SRRM3: variants seen among roughly 807,000 people sequenced by gnomAD.
SRRM3 encodes the protein serine/arginine repetitive matrix protein 3.
SRRM3 carries 27 observed loss-of-function variants against 66.2 expected under a neutral mutation model. That is an observed-to-expected ratio of 0.41 (90% CI 0.30 to 0.56). The LOEUF (loss-of-function observed/expected upper bound fraction) is 0.56. Among genes scored for constraint, SRRM3 ranks in the 20% least tolerant of loss-of-function variants. SRRM3 has a pLI of 0.32. For synonymous variants in SRRM3, 391 were observed against 414.9 expected (o/e 0.94, Z 0.70); for missense variants, 918 against 991.9 (o/e 0.93, Z 1.00).
rs545786463 is a variant in SRRM3 at position 76,221,646 on chromosome 7, G to A, written c.-39-13382G>A. Among the ~76,000 whole-genome samples the A allele has an allele frequency of 2.6e-5, 4 of 152,302 alleles. No individual in the cohort carries two copies. The East Asian group carries it at 7.7e-4, about 29-fold the overall frequency. On this transcript the variant is annotated intron_variant, in intron 1 of 14. Transcript: ENST00000611745. ...CAAAGTGCTGGGATTACAGGCGTGAGCCACCGCGCCCCGCACCTGCCCTCT... is the reference window on the plus strand; with the variant it reads ...CAAAGTGCTGGGATTACAGGCGTGAACCACCGCGCCCCGCACCTGCCCTCT...
intron 10 of SRRM3, among the ~76,000 whole-genome samples, chr7:76,266,298 A>AT (rs1554609635): frequency 9.1e-6 from 1 of 109,588 alleles, no homozygotes; most frequent in African/African-American, 3.7e-5. Context: ...TATATATTTA[A>AT]TATAAATATT....
chr7:76,232,902 G>A (rs1197835000), intron 1 of SRRM3, among the ~76,000 whole-genome samples: 1 of 152,076 alleles, frequency 6.6e-6, no homozygotes, highest in African/African-American at 2.4e-5. Context: ...TGGGAGCAGG[G>A]AGGCCAGGCA....
At chr7:76,231,091 G>C (rs1208167924) in intron 1 of SRRM3, among the ~76,000 whole-genome samples, 1 of 152,120 alleles carries the variant, frequency 6.6e-6, no homozygotes, top group Non-Finnish European at 1.5e-5. Context: ...ATGGCTCACA[G>C]AGGGACCCTG....
chr7:76,215,420 T>A lies in SRRM3; in HGVS notation c.-40+13353T>A, dbSNP rs973446019. Among the ~76,000 whole-genome samples, 456 of 147,532 alleles carry A rather than the reference T, an allele frequency of 3.1e-3. 2 individuals carry two copies. Among genetic ancestry groups the A allele is most frequent in the Non-Finnish European group, 4.8e-3 (318 of 66,932 alleles). On this transcript the variant is annotated intron_variant, in intron 1 of 14. Coordinates refer to ENST00000611745, the MANE Select transcript of SRRM3 (RefSeq NM_001110199.3). ...TTTTTTTTTTTTTTTTTTTTTTTTTTAGACAGGGTCTGGCTCTGTTGCCCA... is the reference window on the plus strand; with the variant it reads ...TTTTTTTTTTTTTTTTTTTTTTTTTAAGACAGGGTCTGGCTCTGTTGCCCA...
intron 8 of SRRM3, among the ~76,000 whole-genome samples, chr7:76,263,825 A>G (rs1201224432): frequency 7.6e-6 from 1 of 131,250 alleles, no homozygotes; most frequent in African/African-American, 2.8e-5. Context: ...GTGAGCTGAG[A>G]TTGTGCCACT....
intron 3 of SRRM3, among the ~76,000 whole-genome samples, chr7:76,256,716 C>CTT (rs781795981): frequency 3.0e-5 from 4 of 133,638 alleles, no homozygotes; most frequent in African/African-American, 5.5e-5. Flanking sequence ...GCTTCTTTTT[C>CTT]TTTTTTTTTT....
At chr7:76,281,363 C>A in intron 11 of SRRM3, 78 bp from the exon 12 acceptor site, 1 of 1,059,258 alleles carries the variant, frequency 9.4e-7, no homozygotes, top group Non-Finnish European at 1.2e-6. Flanking sequence ...CCGTCTGTCT[C>A]CTCTCTTCTC....
At chr7:76,272,864 G>A (rs1418125159) in intron 11 of SRRM3, among the ~76,000 whole-genome samples, 2 of 152,080 alleles carry the variant, frequency 1.3e-5, no homozygotes, top group African/African-American at 4.8e-5. Context: ...CCTTATACAG[G>A]AACAGAAAAA....
intron 1 of SRRM3, among the ~76,000 whole-genome samples, chr7:76,234,037 C>T (rs1486402997): frequency 1.3e-5 from 2 of 152,140 alleles, no homozygotes; most frequent in Non-Finnish European, 2.9e-5. Context: ...CATACCCAAT[C>T]CCTTCTTTTC....
rs370036818 is a variant in SRRM3 at position 76,283,337 on chromosome 7, G to A, written c.1733+236G>A. Among the ~76,000 whole-genome samples, 10 of 152,132 alleles carry A rather than the reference G, an allele frequency of 6.6e-5. No homozygotes were observed. In the South Asian group the frequency reaches 1.0e-3, roughly 16 times the overall value. Reference sequence around the variant, plus strand: ...AGAGACAGGTGCAGGAGGCCACGCAGAAGGAAGGGCCACGGTGGGGGCCTG... The same window carrying A: ...AGAGACAGGTGCAGGAGGCCACGCAAAAGGAAGGGCCACGGTGGGGGCCTG... On this transcript the variant is annotated intron_variant, in intron 14 of 14. Coordinates refer to ENST00000611745, the MANE Select transcript of SRRM3 (RefSeq NM_001110199.3).
In SRRM3 at chr7:76,285,720, C is replaced by T. The variant is rs781806711; in HGVS notation, c.1839C>T (p.Pro613=). The T allele has an allele frequency of 2.4e-5, 37 of 1,550,714 alleles. No homozygotes were observed. The highest frequency in any genetic ancestry group is 1.8e-4 in the African/African-American group (13 of 73,040). Residue 613 remains proline, a synonymous_variant, in exon 15 of 15, where the codon CCC becomes CCT. Coordinates refer to ENST00000611745, the MANE Select transcript of SRRM3 (RefSeq NM_001110199.3). The surrounding 1 kb of genome is among the most constrained non-coding windows in gnomAD (Gnocchi z 4.1). ...GGAGCCACAGCCGCAGCCCCAGCCC[C>T]GGCCACAGCCACGGGAGCTACAGCA... ...STRSHSRSPS[P]GHSHGSYSSR...
chr7:76,267,147 G>C, intron 10 of SRRM3, 111 bp from the exon 11 acceptor site: 1 of 1,031,216 alleles, frequency 9.7e-7, no homozygotes, highest in Admixed American at 4.1e-5. Context: ...AAGGCAGGTG[G>C]AGGGCTGCTC....
chr7:76,210,368 C>G (rs1554601606), intron 1 of SRRM3, among the ~76,000 whole-genome samples: 1 of 152,184 alleles, frequency 6.6e-6, no homozygotes. Flanking sequence ...CTGTCAGGCC[C>G]TATCTGACAC....
At chr7:76,280,770 A>ACCCG (rs1476702640) in intron 11 of SRRM3, among the ~76,000 whole-genome samples, 86 of 64,372 alleles carry the variant, frequency 1.3e-3, no homozygotes, top group African/African-American at 4.9e-3. Flanking sequence ...CCCCCACCCC[A>ACCCG]CCCGCCCGCT....
Position 76,272,023 on chromosome 7 carries a change from T to C in SRRM3, c.1008+4588T>C, listed in dbSNP as rs532980734. ...AGAGAGGGAAGAGAGTCACTCAAGG[T>C]CACACAATGTAGGATGAAAGAGGAA... is the stretch of plus-strand genomic sequence containing the variant. On this transcript the variant is annotated intron_variant, in intron 11 of 14. Transcript: ENST00000611745. 4.6e-5 allele frequency among the ~76,000 whole-genome samples: 7 copies of C among 152,196 alleles called. 1 individual carries two copies. In the South Asian group the frequency reaches 1.0e-3, roughly 23 times the overall value.
intron 1 of SRRM3, among the ~76,000 whole-genome samples, chr7:76,220,655 A>C (rs1351278865): frequency 6.6e-6 from 1 of 152,204 alleles, no homozygotes; most frequent in African/African-American, 2.4e-5. Flanking sequence ...GGCTGGACCC[A>C]GCCCTAGACT....
At chr7:76,247,926 C>T (rs1480715071) in intron 2 of SRRM3, among the ~76,000 whole-genome samples, 1 of 152,186 alleles carries the variant, frequency 6.6e-6, no homozygotes, top group East Asian at 1.9e-4. Flanking sequence ...CACTCCTGAG[C>T]TCAGGTGATC....
chr7:76,273,830 G>A (rs535827418), intron 11 of SRRM3, among the ~76,000 whole-genome samples: 3 of 152,060 alleles, frequency 2.0e-5, no homozygotes, highest in South Asian at 4.1e-4. Context: ...GACTTTCCCC[G>A]ACCAACTTTT....
At chr7:76,246,543 G>A (rs961921974) in intron 2 of SRRM3, among the ~76,000 whole-genome samples, 4 of 151,940 alleles carry the variant, frequency 2.6e-5, no homozygotes, top group Admixed American at 1.3e-4. Flanking sequence ...CAGGCCAGGC[G>A]ACAGAACGAA....
Sources: allele counts gnomAD v4.1 joint callset (sites outside exome capture counted in the v4.1 genomes callset), GRCh38; gene constraint gnomAD v4.1.1; non-coding constraint Gnocchi (gnomAD v3.1); transcripts MANE v1.5; gene names NCBI Gene and HGNC (gene_info 2026-07-23, HGNC 2026-07-21).